The following PTPRM variants were observed in gnomAD, a reference collection of about 807,000 sequenced individuals.
PTPRM encodes the protein protein tyrosine phosphatase receptor type M.
In PTPRM, 47 loss-of-function variants were observed where a neutral mutation model predicts 186.7. That is an observed-to-expected ratio of 0.25 (90% CI 0.20 to 0.32). PTPRM has a LOEUF of 0.32. Among genes scored for constraint, PTPRM ranks in the 10% least tolerant of loss-of-function variants. The probability of loss-of-function intolerance (pLI) is 1.00; values close to 1 mark genes in which losing one functional copy is unlikely to be tolerated. For missense variants in PTPRM, 1,494 were observed against 1,865.0 expected, an observed-to-expected ratio of 0.80 and a Z score of 3.66; for synonymous variants, 668 against 674.9, an observed-to-expected ratio of 0.99 and a Z score of 0.16.
At chr18:8,277,547 A>C (rs1257718673) in intron 19 of PTPRM, among the ~76,000 whole-genome samples, 1 of 152,256 alleles carries the variant, frequency 6.6e-6, no homozygotes, top group Non-Finnish European at 1.5e-5. Context: ...ATAAAGGAGC[A>C]GTGGAGAAGA....
At chr18:7,946,491 G>A (rs554662635) in intron 5 of PTPRM, among the ~76,000 whole-genome samples, 2 of 152,272 alleles carry the variant, frequency 1.3e-5, no homozygotes, top group South Asian at 4.1e-4. Flanking sequence ...TTGGAAAGAA[G>A]ACTAGGGAGT....
At chr18:8,239,216 T>A (rs1347354306) in intron 14 of PTPRM, among the ~76,000 whole-genome samples, 9 of 141,796 alleles carry the variant, frequency 6.3e-5, no homozygotes, top group African/African-American at 1.3e-4. Flanking sequence ...TCATTGTTCA[T>A]TTCCCACCTA....
At chr18:7,624,711 A>G (rs1478009286) in intron 1 of PTPRM, among the ~76,000 whole-genome samples, 1 of 152,182 alleles carries the variant, frequency 6.6e-6, no homozygotes, top group Non-Finnish European at 1.5e-5. Context: ...TCCTGAGCTC[A>G]AGCAATCAGC....
chr18:8,253,249 C>T lies in PTPRM; in HGVS notation c.2589C>T (p.Ser863=), dbSNP rs768208769. 2.4e-5 allele frequency: 37 copies of T among 1,531,532 alleles called. No individual in the cohort carries two copies. Among genetic ancestry groups the T allele is most frequent in the Admixed American group, 1.0e-4 (5 of 49,480 alleles). 94.9% of individuals were successfully genotyped at this position (1,531,532 alleles called of 1,614,324 possible). ...TAGATGAAACCCACACAATGGCCAG[C>T]GATACCAGCAGCCTGGTGCAGTCCC... ...PINDETHTMA[S]DTSSLVQSHT... is the part of the protein sequence containing the mutation. The change falls in exon 19 of 33, where the codon AGC becomes AGT. Residue 863 remains serine (S), a synonymous_variant. Coordinates refer to ENST00000580170, the MANE Select transcript of PTPRM (RefSeq NM_001105244.2).
chr18:7,674,857 T>C (rs1168533198), intron 1 of PTPRM, among the ~76,000 whole-genome samples: 1 of 152,242 alleles, frequency 6.6e-6, no homozygotes, highest in African/African-American at 2.4e-5. Flanking sequence ...TGTAGTTACA[T>C]AGAAATGAAG....
chr18:8,073,746 A>C (rs503533), intron 8 of PTPRM, among the ~76,000 whole-genome samples: 87,271 of 151,854 alleles, frequency 0.57, 25,317 homozygotes, highest in Non-Finnish European at 0.62. Flanking sequence ...CACTACAAAA[A>C]TTAAAAATAA....
chr18:7,667,081 C>T (rs561131122), intron 1 of PTPRM, among the ~76,000 whole-genome samples: 4 of 152,302 alleles, frequency 2.6e-5, no homozygotes, highest in African/African-American at 9.6e-5. Context: ...ATAATGATGC[C>T]AAACAGTTTC....
chr18:8,000,956 G>C (rs1184277087), intron 7 of PTPRM, among the ~76,000 whole-genome samples: 1 of 152,182 alleles, frequency 6.6e-6, no homozygotes, highest in Non-Finnish European at 1.5e-5. Context: ...ATGAAGAATG[G>C]TGGTGGCAAT....
At chr18:7,801,463 T>C (rs1260460217) in intron 2 of PTPRM, among the ~76,000 whole-genome samples, 1 of 152,124 alleles carries the variant, frequency 6.6e-6, no homozygotes, top group Non-Finnish European at 1.5e-5. Context: ...AGCTGTCATC[T>C]CCTAGGATAA....
At chr18:7,850,583 G>C (rs1435726599) in intron 2 of PTPRM, among the ~76,000 whole-genome samples, 1 of 152,192 alleles carries the variant, frequency 6.6e-6, no homozygotes, top group African/African-American at 2.4e-5. Flanking sequence ...AGGAGCTCTG[G>C]AAAATAGCTC....
At position 7,567,828 on chromosome 18, in the gene PTPRM, C is replaced by T. The variant is rs2036462536; in HGVS notation, c.10C>T (p.Leu4Phe). 1.9e-6 allele frequency: 3 copies of T among 1,558,020 alleles called. No individual in the cohort carries two copies. Among genetic ancestry groups the T allele is most frequent in the African/African-American group, 1.4e-5 (1 of 70,286 alleles). The change falls in exon 1 of 33, where the codon CTT (leucine) becomes TTT (phenylalanine). Residue 4 changes from leucine to phenylalanine, a missense_variant. Physicochemically the swap from Leu to Phe is conservative, Grantham distance 22. Coordinates refer to ENST00000580170, the MANE Select transcript of PTPRM (RefSeq NM_001105244.2). The surrounding 1 kb of genome is among the most constrained non-coding windows in gnomAD (Gnocchi z 4.3). ...GCCCGCACTCAGCACCATGAGGGGA[C>T]TTGGGACTTGCCTGGCGACTTTGGC... MRGLGTCLATLAGL... is the reference protein window; with the variant it reads MRGFGTCLATLAGL...
chr18:8,092,450 A>G (rs532828520), intron 11 of PTPRM, among the ~76,000 whole-genome samples: 1 of 152,148 alleles, frequency 6.6e-6, no homozygotes, highest in East Asian at 1.9e-4. Context: ...TTCTCACTCT[A>G]TTGCCCAGGC....
chr18:8,009,704 T>G (rs1463013508), intron 7 of PTPRM, among the ~76,000 whole-genome samples: 1 of 152,052 alleles, frequency 6.6e-6, no homozygotes, highest in East Asian at 1.9e-4. Flanking sequence ...CAAGACTCTA[T>G]CTCAAAAAAA....
intron 11 of PTPRM, among the ~76,000 whole-genome samples, chr18:8,093,637 A>G (rs1298524050): frequency 6.6e-6 from 1 of 152,126 alleles, no homozygotes; most frequent in African/African-American, 2.4e-5. Context: ...ATAATTAGCA[A>G]ACTCCCCTGA....
At chr18:7,943,200 C>T (rs2052302638) in intron 5 of PTPRM, among the ~76,000 whole-genome samples, 1 of 152,162 alleles carries the variant, frequency 6.6e-6, no homozygotes, top group Non-Finnish European at 1.5e-5. Context: ...TTCACACTGT[C>T]ATTCCCCCGC....
At chr18:8,154,792 T>C (rs2093085367) in intron 14 of PTPRM, 1 of 152,238 alleles carries the variant, frequency 6.6e-6, no homozygotes, top group Non-Finnish European at 1.5e-5. Flanking sequence ...TTTAGGATGT[T>C]TTACAAACCT....
At chr18:8,215,641 C>T (rs1478057987) in intron 14 of PTPRM, among the ~76,000 whole-genome samples, 2 of 150,108 alleles carry the variant, frequency 1.3e-5, no homozygotes, top group Non-Finnish European at 3.0e-5. Flanking sequence ...CCGCCGGGCT[C>T]AAGTGATCCT....
intron 23 of PTPRM, among the ~76,000 whole-genome samples, chr18:8,349,385 C>T (rs1012893295): frequency 3.3e-5 from 5 of 152,132 alleles, no homozygotes; most frequent in East Asian, 1.9e-4. Flanking sequence ...GACAGTTTTC[C>T]GTCTTGAGCA....
chr18:8,093,150 C>T (rs1445370483), intron 11 of PTPRM, among the ~76,000 whole-genome samples: 1 of 151,492 alleles, frequency 6.6e-6, no homozygotes, highest in Non-Finnish European at 1.5e-5. Context: ...GCAGCAGCAA[C>T]CCATTTGTTT....
Sources: allele counts gnomAD v4.1 joint callset (sites outside exome capture counted in the v4.1 genomes callset), GRCh38; gene constraint gnomAD v4.1.1; non-coding constraint Gnocchi (gnomAD v3.1); transcripts MANE v1.5; gene names NCBI Gene and HGNC (gene_info 2026-07-23, HGNC 2026-07-21).